CDK19: variants seen among roughly 807,000 people sequenced by gnomAD.
CDK19 encodes cyclin-dependent kinase 19.
CDK19 carries 20 observed loss-of-function variants against 68.3 expected under a neutral mutation model. The ratio of observed to expected loss-of-function variants is 0.29; its 90% CI spans 0.21 to 0.43. The LOEUF is 0.43. CDK19 is among the 20% of genes least tolerant of loss of function. The pLI, the probability that CDK19 is intolerant of heterozygous loss-of-function variation, is 1.00. For synonymous variants in CDK19, 221 were observed against 222.8 expected (o/e 0.99, Z 0.07); for missense variants, 339 against 623.5 (o/e 0.54, Z 4.86).
At chr6:110,739,618 T>C (rs773098786) in intron 2 of CDK19, among the ~76,000 whole-genome samples, 18 of 151,954 alleles carry the variant, frequency 1.2e-4, no homozygotes, top group Non-Finnish European at 2.4e-4. Flanking sequence ...AATATTTTAT[T>C]GTATTTTATA....
At chr6:110,785,437 T>C (rs1039231931) in intron 1 of CDK19, among the ~76,000 whole-genome samples, 20 of 152,190 alleles carry the variant, frequency 1.3e-4, no homozygotes, top group Non-Finnish European at 2.5e-4. Flanking sequence ...TTATTTTTAT[T>C]ATATACTGTA....
chr6:110,718,137 C>T (rs1036138665), intron 2 of CDK19, among the ~76,000 whole-genome samples: 1 of 152,116 alleles, frequency 6.6e-6, no homozygotes, highest in Non-Finnish European at 1.5e-5. Context: ...TTTCTGTTGC[C>T]TGTAAGTTAC....
chr6:110,655,543 CTCTT>C (rs1289725796), intron 4 of CDK19, among the ~76,000 whole-genome samples: 1 of 152,120 alleles, frequency 6.6e-6, no homozygotes, highest in Non-Finnish European at 1.5e-5. Flanking sequence ...GTCAAAACTC[CTCTT>C]TTTTTGGTTA....
At chr6:110,731,240 G>A (rs1582972129) in intron 2 of CDK19, among the ~76,000 whole-genome samples, 2 of 152,200 alleles carry the variant, frequency 1.3e-5, no homozygotes, top group Non-Finnish European at 2.9e-5. Flanking sequence ...ATCCCCAGGT[G>A]ATACGTAGGG....
chr6:110,614,741 T>C (rs1015905377), intron 12 of CDK19, 75 bp from the exon 13 acceptor site: 13 of 1,497,580 alleles, frequency 8.7e-6, no homozygotes, highest in East Asian at 2.3e-5. Flanking sequence ...CACAGTAGGA[T>C]AGAGATATAA....
At chr6:110,792,007 TG>T (rs1177125026) in intron 1 of CDK19, among the ~76,000 whole-genome samples, 1 of 151,652 alleles carries the variant, frequency 6.6e-6, no homozygotes, top group African/African-American at 2.4e-5. Flanking sequence ...AGTCCCATTC[TG>T]TTGCCAGGCT....
chr6:110,676,377 T>C (rs1308983356), intron 2 of CDK19, among the ~76,000 whole-genome samples: 1 of 152,130 alleles, frequency 6.6e-6, no homozygotes, highest in Non-Finnish European at 1.5e-5. Flanking sequence ...AACAAATAAT[T>C]TGGAATATTA....
chr6:110,802,104 C>G (rs777280225), intron 1 of CDK19, among the ~76,000 whole-genome samples: 1 of 152,010 alleles, frequency 6.6e-6, no homozygotes, highest in Non-Finnish European at 1.5e-5. Flanking sequence ...TAGTTCAGCC[C>G]CTGTGGAAAG....
chr6:110,737,391 T>C lies in CDK19; in HGVS notation c.204+8735A>G, dbSNP rs575954673. ...TCTATTACTGGCAATAATCGGTGTT[T>C]AAATCACCTTCTGACAATACAAAAA... is the stretch of plus-strand genomic sequence containing the variant. On this transcript the variant is annotated intron_variant, in intron 2 of 12. Transcript: ENST00000368911. 1.2e-4 allele frequency among the ~76,000 whole-genome samples: 18 copies of C among 152,338 alleles called. No homozygotes were observed. The South Asian group carries it at 3.7e-3, about 32-fold the overall frequency.
At chr6:110,768,775 A>C (rs1483904649) in intron 1 of CDK19, among the ~76,000 whole-genome samples, 1 of 152,134 alleles carries the variant, frequency 6.6e-6, no homozygotes, top group African/African-American at 2.4e-5. Context: ...GCAGTGAGCT[A>C]CTCTGTATGA....
chr6:110,701,430 T>C (rs1213194222), intron 2 of CDK19, among the ~76,000 whole-genome samples: 1 of 147,790 alleles, frequency 6.8e-6, no homozygotes, highest in African/African-American at 2.5e-5. Flanking sequence ...CGGGCGCCAG[T>C]AGTTATAGCT....
At chr6:110,675,997 T>C (rs1771499520) in intron 2 of CDK19, among the ~76,000 whole-genome samples, 1 of 152,192 alleles carries the variant, frequency 6.6e-6, no homozygotes, top group East Asian at 1.9e-4. Flanking sequence ...ATTTCTCGGA[T>C]GGATCTGGGC....
In CDK19 at chr6:110,627,012, C is replaced by G. The variant is rs767705319; in HGVS notation, c.780G>C (p.Gly260=). The change falls in exon 7 of 13, where the codon GGG becomes GGC. Residue 260 remains glycine (G), a synonymous_variant. Transcript: ENST00000368911. The stretch of plus-strand genomic sequence containing the variant: ...AGGAAAATAAATTACCTGCAGGAAA[C>G]CCCATGACACTAAATATCCGATCCA... ...DQLDRIFSVM[G]FPADKDWEDI... is the part of the protein sequence containing the mutation. 3.1e-6 allele frequency: 5 copies of G among 1,610,552 alleles called. No individual in the cohort carries two copies. The Admixed American group carries it at 8.4e-5, about 27-fold the overall frequency.
At position 110,746,112 on chromosome 6, in the gene CDK19, T is replaced by TTG; in HGVS notation, c.204+12_204+13dup. 6.8e-7 allele frequency: 1 copy of TTG among 1,463,898 alleles called. No homozygotes were observed. The highest frequency in any genetic ancestry group is 1.3e-5 in the South Asian group (1 of 79,004). The allele number at this position is 1,463,898 out of a possible 1,614,324, so 90.7% of individuals were successfully genotyped here. ...TCAATAATAAAATAAATAACTGTAT[T>TTG]TGTATCCACTTACTGCAATCTCTCT... On this transcript the variant is annotated intron_variant, in intron 2 of 12. Coordinates refer to ENST00000368911, the MANE Select transcript of CDK19 (RefSeq NM_015076.5).
At chr6:110,761,390 C>G (rs1199571455) in intron 1 of CDK19, among the ~76,000 whole-genome samples, 1 of 152,118 alleles carries the variant, frequency 6.6e-6, no homozygotes, top group Non-Finnish European at 1.5e-5. Flanking sequence ...GTGGATGGAT[C>G]TTACAGGTAA....
At chr6:110,678,408 C>T (rs1771711759) in intron 2 of CDK19, among the ~76,000 whole-genome samples, 2 of 152,094 alleles carry the variant, frequency 1.3e-5, no homozygotes, top group Admixed American at 6.5e-5. Flanking sequence ...CCCTCTATTC[C>T]AGTACCTCCA....
intron 1 of CDK19, among the ~76,000 whole-genome samples, chr6:110,760,078 T>C (rs2114947048): frequency 6.6e-6 from 1 of 152,244 alleles, no homozygotes; most frequent in South Asian, 2.1e-4. Context: ...GTATGGTACT[T>C]ACTATATGGC....
intron 1 of CDK19, among the ~76,000 whole-genome samples, chr6:110,812,812 TAAAAA>T (rs66478846): frequency 7.3e-4 from 74 of 101,614 alleles, no homozygotes; most frequent in African/African-American, 2.5e-3. Flanking sequence ...TTTAAAACAG[TAAAAA>T]AAAAAAAAAA....
In CDK19 at chr6:110,815,156, G is replaced by A. The variant is rs1323570285; in HGVS notation, c.-20C>T. On this transcript the variant is annotated 5_prime_UTR_variant, in exon 1 of 13. Coordinates refer to ENST00000368911, the MANE Select transcript of CDK19 (RefSeq NM_015076.5). Reference sequence around the variant, plus strand: ...ATCCATTGTCTGCTTCCCCCATAGAGGCACGGGACGCGGGGGCCGCCGCCG... The same window carrying A: ...ATCCATTGTCTGCTTCCCCCATAGAAGCACGGGACGCGGGGGCCGCCGCCG... 3 of 1,570,676 alleles carry A rather than the reference G, an allele frequency of 1.9e-6. No individual in the cohort carries two copies. The highest frequency in any genetic ancestry group is 1.8e-5 in the Admixed American group (1 of 54,936).
Sources: allele counts gnomAD v4.1 joint callset (sites outside exome capture counted in the v4.1 genomes callset), GRCh38; gene constraint gnomAD v4.1.1; transcripts MANE v1.5; gene names NCBI Gene and HGNC (gene_info 2026-07-23, HGNC 2026-07-21).